RNF126: variants seen among roughly 807,000 people sequenced by gnomAD.
RNF126 encodes ring finger protein 126.
In RNF126, 20 loss-of-function variants were observed where a neutral mutation model predicts 41.9. The ratio of observed to expected loss-of-function variants is 0.48; its 90% CI spans 0.34 to 0.69. The LOEUF (loss-of-function observed/expected upper bound fraction) is 0.69, where lower values mean the gene tolerates loss of function less well. Ranked by LOEUF, RNF126 falls within the 30% of genes least tolerant of loss-of-function variation. RNF126 has a pLI of 0.01. For synonymous variants in RNF126, 239 were observed against 202.9 expected, an observed-to-expected ratio of 1.18 and a Z score of -1.51; for missense variants, 433 against 460.6, an observed-to-expected ratio of 0.94 and a Z score of 0.55.
At chr19:654,352 C>T (rs1465117027) in intron 1 of RNF126, among the ~76,000 whole-genome samples, 1 of 152,190 alleles carries the variant, frequency 6.6e-6, no homozygotes, top group Non-Finnish European at 1.5e-5. Flanking sequence ...TCGGCACGCT[C>T]CGCCATCACC....
rs751820418 is a variant in RNF126 at position 648,101 on chromosome 19, C to T, written c.*27G>A. 2.2e-5 allele frequency: 34 copies of T among 1,540,498 alleles called. No homozygotes were observed. Among genetic ancestry groups the T allele is most frequent in the Admixed American group, 7.4e-5 (4 of 54,036 alleles). The stretch of plus-strand genomic sequence containing the variant: ...GGCTGAGGGTGGGTGGGAAAGGCCC[C>T]GTGCTTTCCCGACGGCCGACGTGGG... On this transcript the variant is annotated 3_prime_UTR_variant, in exon 9 of 9. Coordinates refer to ENST00000292363, the MANE Select transcript of RNF126 (RefSeq NM_194460.3).
chr19:657,682 C>T (rs1389748382), intron 1 of RNF126, among the ~76,000 whole-genome samples: 4 of 152,198 alleles, frequency 2.6e-5, no homozygotes, highest in South Asian at 2.1e-4. Flanking sequence ...CCATCGAGGA[C>T]GCCAAGGGCT....
chr19:657,850 G>A (rs113961439), intron 1 of RNF126, among the ~76,000 whole-genome samples: 8,823 of 152,244 alleles, frequency 0.058, 270 homozygotes, highest in South Asian at 0.09. Context: ...GCCTCTGCTG[G>A]CCGACGGTGG....
chr19:647,876 G>C lies in RNF126; in HGVS notation c.*252C>G, dbSNP rs1207777493. ...AAATTATAAAAATCTTTCCACCGCT[G>C]AACGTTTAGAGGGTGAGGTTAGACA... is the stretch of plus-strand genomic sequence containing the variant. On this transcript the variant is annotated 3_prime_UTR_variant, in exon 9 of 9. Coordinates refer to ENST00000292363, the MANE Select transcript of RNF126 (RefSeq NM_194460.3). The C allele has an allele frequency of 3.1e-6, 2 of 653,960 alleles. No individual in the cohort carries two copies. Among genetic ancestry groups the C allele is most frequent in the East Asian group, 2.9e-5 (1 of 34,856 alleles). The allele number at this position is 653,960 out of a possible 1,614,324, so 40.5% of individuals were successfully genotyped here. A position where few individuals can be genotyped will look rare whatever the true frequency, so the allele number is the denominator to read the frequency against.
chr19:662,617 G>A (rs976742416), intron 1 of RNF126, among the ~76,000 whole-genome samples: 1 of 152,114 alleles, frequency 6.6e-6, no homozygotes, highest in African/African-American at 2.4e-5. Flanking sequence ...TCCGAGCCCC[G>A]CCAGGCCCAG....
intron 1 of RNF126, among the ~76,000 whole-genome samples, chr19:661,774 G>A (rs747789087): frequency 6.6e-6 from 1 of 152,120 alleles, no homozygotes; most frequent in East Asian, 1.9e-4. Context: ...ACAGCCGGGC[G>A]GCTACGTACA....
intron 2 of RNF126, chr19:652,539 C>T (rs113859521): frequency 0.012 from 6,986 of 600,546 alleles, 329 homozygotes; most frequent in African/African-American, 0.11. Flanking sequence ...GTGGGTAGGG[C>T]CCCCGTGGCC....
chr19:650,128 C>T (rs1353018089), intron 5 of RNF126, 106 bp downstream of exon 5: 1 of 909,172 alleles, frequency 1.1e-6, no homozygotes. Context: ...GGACAGGCAC[C>T]CCCTCCTACT....
chr19:654,524 T>A (rs1041205618), intron 1 of RNF126, among the ~76,000 whole-genome samples: 6 of 150,248 alleles, frequency 4.0e-5, no homozygotes, highest in Non-Finnish European at 7.4e-5. Flanking sequence ...GCGCCTGTAA[T>A]CCCAGCTACT....
intron 1 of RNF126, among the ~76,000 whole-genome samples, chr19:653,199 A>AGC (rs2030407469): frequency 6.6e-6 from 1 of 151,502 alleles, no homozygotes; most frequent in Non-Finnish European, 1.5e-5. Context: ...GGGCGTCACC[A>AGC]GTGCCTGGGC....
At chr19:654,511 C>T (rs2030472928) in intron 1 of RNF126, among the ~76,000 whole-genome samples, 2 of 150,744 alleles carry the variant, frequency 1.3e-5, no homozygotes, top group African/African-American at 4.9e-5. Flanking sequence ...GGTGTGGTGG[C>T]GGGCGCCTGT....
chr19:653,788 G>C (rs2030437984), intron 1 of RNF126, among the ~76,000 whole-genome samples: 1 of 152,236 alleles, frequency 6.6e-6, no homozygotes, highest in Non-Finnish European at 1.5e-5. Flanking sequence ...GAACGACCCA[G>C]TCTCAAGTGC....
At chr19:648,350 G>T (rs865899191) in intron 8 of RNF126, 22 bp downstream of exon 8, 5 of 571,348 alleles carry the variant, frequency 8.8e-6, no homozygotes, top group East Asian at 6.7e-5. Flanking sequence ...GGGGTGGGGG[G>T]GCGGGTGGGC....
chr19:660,305 C>T (rs981788656), intron 1 of RNF126, among the ~76,000 whole-genome samples: 6 of 152,238 alleles, frequency 3.9e-5, no homozygotes, highest in East Asian at 3.9e-4. Context: ...GACCCAGCTG[C>T]GCGGGGCCTC....
intron 1 of RNF126, among the ~76,000 whole-genome samples, chr19:658,674 A>G (rs932631341): frequency 6.6e-6 from 1 of 151,672 alleles, no homozygotes; most frequent in African/African-American, 2.4e-5. Flanking sequence ...CGCACCACAC[A>G]CTCCCAAGAC....
chr19:649,278 G>A (rs570990976), intron 6 of RNF126: 15 of 312,744 alleles, frequency 4.8e-5, no homozygotes, highest in Admixed American at 4.0e-4. Flanking sequence ...GCCGTGCTCC[G>A]GCTGGTGGGC....
At chr19:656,244 G>A (rs1171352620) in intron 1 of RNF126, among the ~76,000 whole-genome samples, 4 of 152,114 alleles carry the variant, frequency 2.6e-5, no homozygotes, top group Admixed American at 2.0e-4. Flanking sequence ...CAGCTGCTAG[G>A]GAGGCTGAGG....
chr19:650,584 CTTTT>C (rs34495183), intron 4 of RNF126: 20 of 72,286 alleles, frequency 2.8e-4, no homozygotes, highest in Middle Eastern at 0.013. Context: ...CTCTCGGCTA[CTTTT>C]TTTTTTTTTT....
intron 1 of RNF126, among the ~76,000 whole-genome samples, chr19:655,966 C>CG: frequency 6.6e-6 from 1 of 151,974 alleles, no homozygotes; most frequent in East Asian, 1.9e-4. Context: ...TGTGATCCCA[C>CG]GTCTATGAAA....
Sources: allele counts gnomAD v4.1 joint callset (sites outside exome capture counted in the v4.1 genomes callset), GRCh38; gene constraint gnomAD v4.1.1; transcripts MANE v1.5; gene names NCBI Gene and HGNC (gene_info 2026-07-23, HGNC 2026-07-21).